The following TTC23L variants were observed in gnomAD, a reference collection of about 807,000 sequenced individuals.
TTC23L encodes the protein tetratricopeptide repeat domain 23 like.
A neutral mutation model predicts 48.1 loss-of-function variants in TTC23L; 42 were observed. That is an observed-to-expected ratio of 0.87 (90% confidence interval 0.68 to 1.13). The LOEUF is 1.13. TTC23L is among the 50% of genes most tolerant of loss of function. TTC23L has a pLI of 0.00. For missense variants in TTC23L, 391 were observed against 421.0 expected, an observed-to-expected ratio of 0.93 and a Z score of 0.62; for synonymous variants, 159 against 157.2, an observed-to-expected ratio of 1.01 and a Z score of -0.09.
exon 7 of TTC23L, chr5:34,867,045 C>G: frequency 6.2e-7 from 1 of 1,611,358 alleles, no homozygotes; most frequent in Non-Finnish European, 8.5e-7. Flanking sequence ...GGAACCACAA[C>G]CAGGCCATCC....
chr5:34,906,764 C>T, the TTC23L span: 7 of 152,310 alleles, frequency 4.6e-5, no homozygotes, highest in East Asian at 1.3e-3. Flanking sequence ...AACAGAGTTA[C>T]TAAATGCCCA....
Position 34,863,184 on chromosome 5 carries a change from C to T in TTC23L, c.536+130C>T. The T allele has an allele frequency of 9.2e-7, 1 of 1,086,760 alleles. No individual in the cohort carries two copies. Among genetic ancestry groups the T allele is most frequent in the Non-Finnish European group, 1.3e-6 (1 of 748,802 alleles). The allele number at this position is 1,086,760 out of a possible 1,614,324, so 67.3% of individuals were successfully genotyped here. On this transcript the variant is annotated intron_variant, in intron 5 of 10. Transcript: ENST00000505624. The surrounding 1 kb of genome is among the most constrained non-coding windows in gnomAD (Gnocchi z 4.1). The stretch of plus-strand genomic sequence containing the variant: ...AGATCTGTTCCAACATCAAGGCCCT[C>T]CATGAGCCTCTCCTCTCCATCTAGA...
chr5:34,877,483 G>A (rs1761935466), intron 8 of TTC23L, among the ~76,000 whole-genome samples: 1 of 151,628 alleles, frequency 6.6e-6, no homozygotes, highest in African/African-American at 2.4e-5. Context: ...GAGTACAACG[G>A]TGTGATCTCA....
the TTC23L span, chr5:34,922,174 T>C: frequency 8.8e-7 from 1 of 1,132,518 alleles, no homozygotes; most frequent in South Asian, 1.4e-5. Flanking sequence ...TTAGTTCTCA[T>C]TTATATTATC....
the TTC23L span, chr5:34,907,087 A>G: frequency 6.6e-6 from 1 of 152,156 alleles, no homozygotes; most frequent in Non-Finnish European, 1.5e-5. Context: ...ACCTCCCAGA[A>G]TTGTCCATAT....
At chr5:34,866,860 G>A (rs1165304830) in intron 6 of TTC23L, 32 bp from the exon 7 acceptor site, 2 of 1,540,156 alleles carry the variant, frequency 1.3e-6, no homozygotes, top group African/African-American at 2.7e-5. Flanking sequence ...TGGCCTCTCT[G>A]TGACTTTCTA....
chr5:34,880,240 G>A, exon 9 of TTC23L: 2 of 1,613,602 alleles, frequency 1.2e-6, no homozygotes. Context: ...ATTGGGCTCA[G>A]AGGATTTTGA....
exon 1 of TTC23L, chr5:34,839,207 A>T (rs940343179): frequency 7.9e-5 from 12 of 152,710 alleles, no homozygotes; most frequent in Admixed American, 5.9e-4. Flanking sequence ...GTAACTGGGG[A>T]CGTCGCAGGC....
intron 4 of TTC23L, among the ~76,000 whole-genome samples, chr5:34,858,999 C>A (rs899887836): frequency 6.6e-6 from 1 of 152,198 alleles, no homozygotes; most frequent in African/African-American, 2.4e-5. Context: ...AATTGCACAA[C>A]CAGCATGGGA....
chr5:34,895,070 G>A (rs542890988), intron 9 of TTC23L, among the ~76,000 whole-genome samples: 1 of 152,304 alleles, frequency 6.6e-6, no homozygotes, highest in Non-Finnish European at 1.5e-5. Flanking sequence ...ATTACTGTTT[G>A]TCCAGTACCT....
chr5:34,914,251 T>C, the TTC23L span, among the ~76,000 whole-genome samples: 1 of 152,212 alleles, frequency 6.6e-6, no homozygotes. Context: ...GAAACAAATA[T>C]TCAGCGTTCT....
the TTC23L span, chr5:34,922,851 T>G: frequency 3.4e-3 from 4,676 of 1,373,986 alleles, 125 homozygotes; most frequent in East Asian, 0.066. Flanking sequence ...GTTATTCAAT[T>G]TAGTTTCACC....
At chr5:34,912,864 G>A in the TTC23L span, among the ~76,000 whole-genome samples, 2 of 152,092 alleles carry the variant, frequency 1.3e-5, no homozygotes, top group African/African-American at 4.8e-5. Flanking sequence ...AGCCGGGCGT[G>A]GTGGCACGTG....
intron 9 of TTC23L, among the ~76,000 whole-genome samples, chr5:34,893,219 G>C (rs1762984569): frequency 6.6e-6 from 1 of 152,162 alleles, no homozygotes; most frequent in Non-Finnish European, 1.5e-5. Context: ...AGGTAACTTT[G>C]AAGTTTCTAG....
chr5:34,855,017 G>A (rs112139281), intron 4 of TTC23L, among the ~76,000 whole-genome samples: 13,585 of 152,176 alleles, frequency 0.089, 955 homozygotes, highest in South Asian at 0.14. Context: ...GTTTGGGTAG[G>A]TGGAAGAAGG....
chr5:34,864,481 T>C (rs1400577334), exon 6 of TTC23L: 5 of 1,613,752 alleles, frequency 3.1e-6, no homozygotes, highest in Non-Finnish European at 4.2e-6. Flanking sequence ...GAGAGAAACA[T>C]GAAGGAGCTG....
At chr5:34,914,993 G>C in the TTC23L span, 2 of 1,320,744 alleles carry the variant, frequency 1.5e-6, no homozygotes, top group Non-Finnish European at 2.1e-6. Context: ...ACTCCCATCA[G>C]TGCTGGCGAG....
intron 3 of TTC23L, among the ~76,000 whole-genome samples, chr5:34,846,600 T>TATATATATATATATATATATATATATAC (rs61009546): frequency 1.1e-5 from 1 of 92,898 alleles, no homozygotes; most frequent in African/African-American, 5.2e-5. Context: ...TATATATATA[T>TATATATATATATATATATATATATATAC]ACACACACAT....
chr5:34,850,057 C>T, intron 3 of TTC23L, 128 bp from the exon 4 acceptor site: 1 of 1,097,516 alleles, frequency 9.1e-7, no homozygotes, highest in Non-Finnish European at 1.3e-6. Flanking sequence ...GGATTAGACA[C>T]AGGATGAGAA....
Sources: allele counts gnomAD v4.1 joint callset (sites outside exome capture counted in the v4.1 genomes callset), GRCh38; gene constraint gnomAD v4.1.1; non-coding constraint Gnocchi (gnomAD v3.1); transcripts MANE v1.5; gene names NCBI Gene and HGNC (gene_info 2026-07-23, HGNC 2026-07-21).